The following WNK2 variants were observed in gnomAD, a reference collection of about 807,000 sequenced individuals.
WNK2 encodes the protein serine/threonine-protein kinase WNK2.
A neutral mutation model predicts 192.1 loss-of-function variants in WNK2; 67 were observed. The ratio of observed to expected loss-of-function variants is 0.35; its 90% CI spans 0.29 to 0.43. The LOEUF (loss-of-function observed/expected upper bound fraction) is 0.43. Among genes scored for constraint, WNK2 ranks in the 20% least tolerant of loss-of-function variants. The pLI, the probability that WNK2 is intolerant of heterozygous loss-of-function variation, is 1.00. For synonymous variants in WNK2, 1,439 were observed against 1,393.9 expected (o/e 1.03, Z -0.72); for missense variants, 2,698 against 3,089.7 (o/e 0.87, Z 3.01).
intron 4 of WNK2, 124 bp downstream of exon 4, chr9:93,231,232 C>A: frequency 3.1e-6 from 3 of 960,624 alleles, no homozygotes; most frequent in South Asian, 1.5e-5. Flanking sequence ...AGCGTCTGGG[C>A]ACGGGAGCCT....
At chr9:93,309,585 T>C (rs546169153) in intron 28 of WNK2, among the ~76,000 whole-genome samples, 1 of 152,376 alleles carries the variant, frequency 6.6e-6, no homozygotes, top group East Asian at 1.9e-4. Context: ...CTGATGTTGG[T>C]GATTTCTGCC....
chr9:93,219,044 T>C (rs1836309531), intron 2 of WNK2, among the ~76,000 whole-genome samples: 2 of 152,184 alleles, frequency 1.3e-5, no homozygotes, highest in South Asian at 4.1e-4. Context: ...GCCAGGCCTG[T>C]GTCCCTCTGC....
intron 2 of WNK2, among the ~76,000 whole-genome samples, chr9:93,207,110 C>A (rs1423592985): frequency 6.6e-6 from 1 of 152,116 alleles, no homozygotes; most frequent in African/African-American, 2.4e-5. Context: ...AGATGAGAGG[C>A]CAGGCCAGCT....
intron 2 of WNK2, among the ~76,000 whole-genome samples, chr9:93,225,211 G>A (rs958096077): frequency 6.6e-6 from 1 of 152,140 alleles, no homozygotes; most frequent in African/African-American, 2.4e-5. Flanking sequence ...ATCAGCCTGG[G>A]CAACATGGTG....
In WNK2 at chr9:93,229,317, A is replaced by G. The variant is rs1235613487; in HGVS notation, c.682-379A>G. Among the ~76,000 whole-genome samples the G allele has an allele frequency of 2.0e-5, 3 of 152,172 alleles. No homozygotes were observed. The highest frequency in any genetic ancestry group is 3.9e-4 in the East Asian group (2 of 5,180). On this transcript the variant is annotated intron_variant, in intron 2 of 29. Coordinates refer to ENST00000427277, the MANE Select transcript of WNK2 (RefSeq NM_006648.4). This position sits in a 1 kb window ranked among gnomAD's most constrained non-coding sequence, Gnocchi z 4.9. ...CCTGAGTACTTCTTCTGAGTTGTGT[A>G]TACGTTAGAAGTAAACTGATGATCC...
chr9:93,265,813 G>C (rs979507727), intron 16 of WNK2, among the ~76,000 whole-genome samples: 1 of 152,182 alleles, frequency 6.6e-6, no homozygotes, highest in Non-Finnish European at 1.5e-5. Flanking sequence ...GTGTCCACTG[G>C]CCCCCTGGTT....
chr9:93,253,748 A>C (rs765638800), intron 9 of WNK2, among the ~76,000 whole-genome samples: 2 of 152,120 alleles, frequency 1.3e-5, no homozygotes, highest in Non-Finnish European at 2.9e-5. Context: ...TTCCCACGGG[A>C]AAGACTAAGA....
intron 19 of WNK2, among the ~76,000 whole-genome samples, chr9:93,272,478 C>G (rs1846137528): frequency 6.6e-6 from 1 of 152,196 alleles, no homozygotes; most frequent in Non-Finnish European, 1.5e-5. Context: ...TGGCTCATGA[C>G]TGTAATCCCA....
At chr9:93,285,420 T>C (rs997375486) in intron 19 of WNK2, among the ~76,000 whole-genome samples, 1 of 152,228 alleles carries the variant, frequency 6.6e-6, no homozygotes, top group African/African-American at 2.4e-5. Context: ...ACTGCAGTTA[T>C]CTTTCTGTAT....
At chr9:93,232,685 A>G (rs982734061) in intron 4 of WNK2, among the ~76,000 whole-genome samples, 1 of 152,164 alleles carries the variant, frequency 6.6e-6, no homozygotes, top group African/African-American at 2.4e-5. Flanking sequence ...TTGGAAACGA[A>G]GTTTCGAGTT....
chr9:93,311,498 G>A (rs1255339346), intron 28 of WNK2, among the ~76,000 whole-genome samples: 5 of 152,132 alleles, frequency 3.3e-5, no homozygotes, highest in African/African-American at 7.2e-5. Context: ...ATAGTTTTTC[G>A]AGGAACTATT....
At position 93,259,774 on chromosome 9, in the gene WNK2, G is replaced by A. The variant is rs116750699; in HGVS notation, c.3066+160G>A. Among the ~76,000 whole-genome samples the A allele has an allele frequency of 3.2e-3, 494 of 152,348 alleles. 4 individuals are homozygous for A. Among genetic ancestry groups the A allele is most frequent in the African/African-American group, 0.011 (470 of 41,596 alleles). Reference sequence around the variant, plus strand: ...GAGGCTGAGGGAGGCGGGGGCTGGCGCCAGCGCGAGGCATCTGCATCTCTT... The same window carrying A: ...GAGGCTGAGGGAGGCGGGGGCTGGCACCAGCGCGAGGCATCTGCATCTCTT... On this transcript the variant is annotated intron_variant, in intron 12 of 29. Coordinates refer to ENST00000427277, the MANE Select transcript of WNK2 (RefSeq NM_006648.4). The surrounding 1 kb of genome is among the most constrained non-coding windows in gnomAD (Gnocchi z 4.8).
chr9:93,192,325 AAGAG>A (rs896337732), intron 2 of WNK2, among the ~76,000 whole-genome samples: 5 of 151,980 alleles, frequency 3.3e-5, no homozygotes, highest in African/African-American at 4.8e-5. Flanking sequence ...AAAAAAAAAA[AAGAG>A]AGAGAGAGAA....
intron 2 of WNK2, among the ~76,000 whole-genome samples, chr9:93,223,371 C>T (rs4744196): frequency 0.58 from 88,222 of 152,168 alleles, 26,393 homozygotes; most frequent in Non-Finnish European, 0.65. Context: ...CAGACCTGCC[C>T]GTGCCTTAGG....
At position 93,230,918 on chromosome 9, in the gene WNK2, C is replaced by T. The variant is rs1054840924; in HGVS notation, c.885C>T (p.Pro295=). Residue 295 remains proline (P), a synonymous_variant, in exon 4 of 30, where the codon CCC becomes CCT. Transcript: ENST00000427277. ...TGAAGCGGTTCAAGGTGATGAAGCC[C>T]AAGGTTCTCCGCAGCTGGTGCCGGC... The part of the protein sequence containing the change: ...TYLKRFKVMK[P]KVLRSWCRQI... The T allele has an allele frequency of 9.3e-6, 15 of 1,613,600 alleles. No individual in the cohort carries two copies. The highest frequency in any genetic ancestry group is 1.0e-5 in the Non-Finnish European group (12 of 1,179,876).
rs770567793 is a variant in WNK2, at chr9:93,185,322, C to T, written c.393C>T (p.Ala131=). 779 of 1,522,104 alleles carry T rather than the reference C, an allele frequency of 5.1e-4. 3 individuals are homozygous for T. Among genetic ancestry groups the T allele is most frequent in the Middle Eastern group, 4.4e-3 (19 of 4,346 alleles). The allele number at this position is 1,522,104 out of a possible 1,614,324, so 94.3% of individuals were successfully genotyped here. A position where few individuals can be genotyped will look rare whatever the true frequency, so the allele number is the denominator to read the frequency against. The change falls in exon 2 of 30, where the codon GCC becomes GCT. Residue 131 remains alanine, a synonymous_variant. Coordinates refer to ENST00000427277, the MANE Select transcript of WNK2 (RefSeq NM_006648.4). ...TQEPGPDPIA[A]AVETAPAPDG... ...AGCCCGGCCCGGACCCCATCGCAGC[C>T]GCTGTCGAAACCGCGCCTGCCCCCG...
intron 2 of WNK2, among the ~76,000 whole-genome samples, chr9:93,216,133 C>T (rs917305631): frequency 7.9e-5 from 12 of 152,286 alleles, no homozygotes; most frequent in Middle Eastern, 6.8e-3. Context: ...AAAGCCTGCA[C>T]GTCTACCAAG....
At chr9:93,279,594 C>T (rs960023239) in intron 19 of WNK2, among the ~76,000 whole-genome samples, 1 of 152,094 alleles carries the variant, frequency 6.6e-6, no homozygotes, top group Non-Finnish European at 1.5e-5. Context: ...CATGAAAACA[C>T]AAAGGGCATG....
intron 29 of WNK2, among the ~76,000 whole-genome samples, chr9:93,319,954 G>C (rs553813811): frequency 2.0e-5 from 3 of 152,148 alleles, no homozygotes; most frequent in African/African-American, 7.2e-5. Context: ...TCTCCTGCCC[G>C]GTCCACTGTG....
Sources: allele counts gnomAD v4.1 joint callset (sites outside exome capture counted in the v4.1 genomes callset), GRCh38; gene constraint gnomAD v4.1.1; non-coding constraint Gnocchi (gnomAD v3.1); transcripts MANE v1.5; gene names NCBI Gene and HGNC (gene_info 2026-07-23, HGNC 2026-07-21).